Variants in GALNTL6 observed in about 807,000 individuals in gnomAD.
The protein encoded by GALNTL6 is polypeptide N-acetylgalactosaminyltransferase like 6, also known as polypeptide N-acetylgalactosaminyltransferase-like 6.
A neutral mutation model predicts 73.7 loss-of-function variants in GALNTL6; 46 were observed. The observed-to-expected ratio is 0.62, with a 90% CI of 0.49 to 0.80. The LOEUF (loss-of-function observed/expected upper bound fraction) is 0.80. Ranked by LOEUF, GALNTL6 falls within the 30% of genes least tolerant of loss-of-function variation. GALNTL6 has a pLI of 0.00. For synonymous variants in GALNTL6, 259 were observed against 263.7 expected (o/e 0.98, Z 0.17); for missense variants, 604 against 755.0 (o/e 0.80, Z 2.34).
intron 2 of GALNTL6, among the ~76,000 whole-genome samples, chr4:172,036,683 G>A (rs1175358694): frequency 1.3e-5 from 2 of 152,084 alleles, no homozygotes; most frequent in Non-Finnish European, 2.9e-5. Flanking sequence ...TTGATTAGGA[G>A]CCAGGCAGTC....
At chr4:171,953,710 G>A (rs1579002575) in intron 2 of GALNTL6, among the ~76,000 whole-genome samples, 1 of 151,912 alleles carries the variant, frequency 6.6e-6, no homozygotes, top group Non-Finnish European at 1.5e-5. Flanking sequence ...ATACATGGAG[G>A]ACAAATACAA....
chr4:172,984,279 A>G (rs899681683), intron 10 of GALNTL6, among the ~76,000 whole-genome samples: 3 of 152,202 alleles, frequency 2.0e-5, no homozygotes, highest in African/African-American at 4.8e-5. Context: ...GAAAACTTAC[A>G]ATCATGGCTG....
chr4:171,884,643 A>G (rs997320173), intron 2 of GALNTL6, among the ~76,000 whole-genome samples: 1 of 152,154 alleles, frequency 6.6e-6, no homozygotes, highest in African/African-American at 2.4e-5. Flanking sequence ...ATACATGTAG[A>G]CACACACAGT....
At chr4:171,850,566 AT>A (rs11321206) in intron 2 of GALNTL6, among the ~76,000 whole-genome samples, 112,632 of 152,038 alleles carry the variant, frequency 0.74, 41,928 homozygotes, top group South Asian at 0.87. Context: ...AACCTAGTTC[AT>A]TTTGTTAAGT....
chr4:172,454,935 T>A (rs1332260004), intron 5 of GALNTL6, among the ~76,000 whole-genome samples: 1 of 152,086 alleles, frequency 6.6e-6, no homozygotes, highest in African/African-American at 2.4e-5. Flanking sequence ...GATGGCCAAA[T>A]AGGAACAGCT....
intron 5 of GALNTL6, among the ~76,000 whole-genome samples, chr4:172,732,453 A>G (rs1170338078): frequency 1.3e-5 from 2 of 152,138 alleles, no homozygotes. Flanking sequence ...AGGGCAGAAT[A>G]TAATTGAGTC....
At chr4:172,415,371 C>T (rs536245565) in intron 5 of GALNTL6, among the ~76,000 whole-genome samples, 2 of 152,160 alleles carry the variant, frequency 1.3e-5, no homozygotes, top group Non-Finnish European at 2.9e-5. Context: ...TCTTCATATT[C>T]TATGTCCAGC....
At chr4:172,248,736 G>A (rs1042752069) in intron 3 of GALNTL6, among the ~76,000 whole-genome samples, 1 of 152,064 alleles carries the variant, frequency 6.6e-6, no homozygotes, top group Non-Finnish European at 1.5e-5. Context: ...GTGATAATGA[G>A]TAAGTTTTCA....
intron 5 of GALNTL6, among the ~76,000 whole-genome samples, chr4:172,495,637 A>C (rs1373465629): frequency 6.6e-6 from 1 of 152,154 alleles, no homozygotes; most frequent in Admixed American, 6.5e-5. Context: ...TCAGCCTCTA[A>C]AGGTGGAGGA....
At chr4:171,850,989 G>C (rs896560166) in intron 2 of GALNTL6, among the ~76,000 whole-genome samples, 8 of 152,218 alleles carry the variant, frequency 5.3e-5, no homozygotes, top group Admixed American at 4.6e-4. Flanking sequence ...TTATATCGTA[G>C]AGCTTTAATT....
chr4:172,453,393 G>C (rs1330886946), intron 5 of GALNTL6, among the ~76,000 whole-genome samples: 2 of 152,168 alleles, frequency 1.3e-5, no homozygotes, highest in Non-Finnish European at 2.9e-5. Context: ...AAAGTATTAT[G>C]CTTGAAATGC....
intron 5 of GALNTL6, among the ~76,000 whole-genome samples, chr4:172,714,252 A>G (rs748628900): frequency 3.3e-5 from 5 of 152,068 alleles, no homozygotes; most frequent in Non-Finnish European, 7.4e-5. Context: ...AGTTGGTTAG[A>G]TCAAATGTCT....
chr4:172,628,984 T>C (rs1739278407), intron 5 of GALNTL6, among the ~76,000 whole-genome samples: 1 of 152,200 alleles, frequency 6.6e-6, no homozygotes, highest in African/African-American at 2.4e-5. Context: ...ACCTCGTATA[T>C]GCCACAAAGA....
chr4:171,901,159 G>A (rs1481583846), intron 2 of GALNTL6, among the ~76,000 whole-genome samples: 1 of 152,134 alleles, frequency 6.6e-6, no homozygotes, highest in Non-Finnish European at 1.5e-5. Context: ...CGGAAATGTT[G>A]ATACTGCTTA....
At chr4:172,201,635 A>G (rs1204328110) in intron 2 of GALNTL6, among the ~76,000 whole-genome samples, 1 of 152,142 alleles carries the variant, frequency 6.6e-6, no homozygotes, top group East Asian at 1.9e-4. Flanking sequence ...GATTTGTTAA[A>G]ATATTTTTGT....
chr4:172,700,717 C>T (rs1274972071), intron 5 of GALNTL6, among the ~76,000 whole-genome samples: 1 of 152,146 alleles, frequency 6.6e-6, no homozygotes, highest in Non-Finnish European at 1.5e-5. Flanking sequence ...ACATTCCTGA[C>T]ATATGGTCAA....
At chr4:172,807,110 A>T (rs1041065746) in intron 5 of GALNTL6, among the ~76,000 whole-genome samples, 1 of 152,160 alleles carries the variant, frequency 6.6e-6, no homozygotes, top group African/African-American at 2.4e-5. Context: ...AGTCTTACAC[A>T]CAGGCAGTGT....
chr4:171,820,677 A>G (rs1430537937), intron 2 of GALNTL6, among the ~76,000 whole-genome samples: 1 of 152,254 alleles, frequency 6.6e-6, no homozygotes, highest in Non-Finnish European at 1.5e-5. Context: ...AAGTGCTTAC[A>G]TCTACTTAGC....
intron 2 of GALNTL6, among the ~76,000 whole-genome samples, chr4:172,087,152 A>T (rs1732059372): frequency 6.6e-6 from 1 of 152,288 alleles, no homozygotes; most frequent in African/African-American, 2.4e-5. Context: ...CTCATACAAC[A>T]TAGAGCACTG....
Sources: allele counts gnomAD v4.1 joint callset (sites outside exome capture counted in the v4.1 genomes callset), GRCh38; gene constraint gnomAD v4.1.1; transcripts MANE v1.5; gene names NCBI Gene and HGNC (gene_info 2026-07-23, HGNC 2026-07-21).